The following OLFM3 variants were observed in gnomAD, a reference collection of about 807,000 sequenced individuals.
The protein encoded by OLFM3 is olfactomedin 3.
In OLFM3, 20 loss-of-function variants were observed where a neutral mutation model predicts 48.6. That is an observed-to-expected ratio of 0.41 (90% CI 0.29 to 0.60). The LOEUF (loss-of-function observed/expected upper bound fraction) is 0.60. Ranked by LOEUF, OLFM3 falls within the 20% of genes least tolerant of loss-of-function variation. The probability of loss-of-function intolerance (pLI) is 0.28; values close to 1 mark genes in which losing one functional copy is unlikely to be tolerated. For synonymous variants in OLFM3, 222 were observed against 198.1 expected (o/e 1.12, Z -1.01); for missense variants, 437 against 544.3 (o/e 0.80, Z 1.96).
intron 1 of OLFM3, among the ~76,000 whole-genome samples, chr1:101,900,753 GA>G (rs1469424207): frequency 1.3e-5 from 2 of 152,030 alleles, no homozygotes; most frequent in African/African-American, 2.4e-5. Context: ...AGATGTAAAG[GA>G]TATTTGAGGT....
chr1:101,816,535 T>C (rs1557685513), intron 4 of OLFM3, among the ~76,000 whole-genome samples: 1 of 152,156 alleles, frequency 6.6e-6, no homozygotes. Context: ...GAAATGTTCT[T>C]AGAGTGGTAT....
At chr1:101,993,381 G>A (rs527671741) in intron 1 of OLFM3, among the ~76,000 whole-genome samples, 58 of 152,022 alleles carry the variant, frequency 3.8e-4, no homozygotes, top group African/African-American at 1.4e-3. Flanking sequence ...TAAAAGCACA[G>A]AGATGCCATC....
chr1:101,853,668 A>G (rs2100951845), intron 1 of OLFM3, among the ~76,000 whole-genome samples: 1 of 152,242 alleles, frequency 6.6e-6, no homozygotes, highest in Non-Finnish European at 1.5e-5. Flanking sequence ...CTGCTCTCAG[A>G]TTAAAAAGGA....
intron 1 of OLFM3, among the ~76,000 whole-genome samples, chr1:101,909,640 AT>A (rs1658680919): frequency 6.6e-6 from 1 of 152,166 alleles, no homozygotes; most frequent in Non-Finnish European, 1.5e-5. Context: ...TGAGCATCTA[AT>A]TACTTAATTA....
intron 1 of OLFM3, among the ~76,000 whole-genome samples, chr1:101,969,123 A>G (rs755217167): frequency 1.3e-5 from 2 of 152,112 alleles, no homozygotes; most frequent in Non-Finnish European, 2.9e-5. Context: ...TGGATTACAA[A>G]CTAACTAAAC....
chr1:101,878,531 C>T (rs769285347), intron 1 of OLFM3, among the ~76,000 whole-genome samples: 6 of 151,820 alleles, frequency 4.0e-5, no homozygotes, highest in Non-Finnish European at 7.4e-5. Context: ...ATCTGTAGCA[C>T]GGAGGCTCTA....
intron 1 of OLFM3, among the ~76,000 whole-genome samples, chr1:101,861,293 C>G (rs1011526317): frequency 2.7e-5 from 4 of 150,602 alleles, no homozygotes; most frequent in African/African-American, 9.9e-5. Context: ...AACTCCTGAC[C>G]TCAAGTGATT....
At chr1:101,947,777 G>A (rs12125046) in intron 1 of OLFM3, among the ~76,000 whole-genome samples, 48,660 of 151,916 alleles carry the variant, frequency 0.32, 8,452 homozygotes, top group Middle Eastern at 0.48. Context: ...TATGATTTTC[G>A]GTGAGTTATT....
intron 1 of OLFM3, among the ~76,000 whole-genome samples, chr1:101,974,676 T>A (rs1247093557): frequency 6.6e-6 from 1 of 152,174 alleles, no homozygotes; most frequent in East Asian, 1.9e-4. Context: ...CTACTAATGC[T>A]ACATAACCCT....
intron 1 of OLFM3, among the ~76,000 whole-genome samples, chr1:101,891,348 T>G (rs1657987064): frequency 6.6e-6 from 1 of 151,932 alleles, no homozygotes; most frequent in African/African-American, 2.4e-5. Context: ...TTGAAAGAAA[T>G]AATAGCGTAC....
intron 1 of OLFM3, among the ~76,000 whole-genome samples, chr1:101,960,107 CG>C (rs1234073999): frequency 6.6e-6 from 1 of 152,022 alleles, no homozygotes; most frequent in African/African-American, 2.4e-5. Context: ...ATGGAGGAAA[CG>C]GGGCTGGGGC....
At chr1:101,923,810 T>C (rs1659176853) in intron 1 of OLFM3, among the ~76,000 whole-genome samples, 1 of 152,166 alleles carries the variant, frequency 6.6e-6, no homozygotes, top group South Asian at 2.1e-4. Flanking sequence ...CTTCAATAGG[T>C]TGGGACTGTG....
chr1:101,829,785 G>A (rs1006564742), intron 3 of OLFM3, among the ~76,000 whole-genome samples: 2 of 152,178 alleles, frequency 1.3e-5, no homozygotes, highest in Admixed American at 1.3e-4. Flanking sequence ...TAAGGCAAGT[G>A]GTTTACTTTT....
At chr1:101,872,579 T>C (rs905695629) in intron 1 of OLFM3, among the ~76,000 whole-genome samples, 4 of 152,004 alleles carry the variant, frequency 2.6e-5, no homozygotes, top group African/African-American at 7.2e-5. Context: ...AAAAACTATT[T>C]ATCTAGCTTC....
At position 101,804,064 on chromosome 1, in the gene OLFM3, C is replaced by T; in HGVS notation, c.*174G>A. The T allele has an allele frequency of 2.0e-6, 1 of 504,440 alleles. No individual in the cohort carries two copies. 31.2% of individuals were successfully genotyped at this position (504,440 alleles called of 1,614,324 possible). On this transcript the variant is annotated 3_prime_UTR_variant, in exon 6 of 6. Transcript: ENST00000370103. The surrounding 1 kb of genome is among the most constrained non-coding windows in gnomAD (Gnocchi z 4.5). ...AAATTTAGAAGTTAAGATGTGTTTC[C>T]AACATGGTAAGTTAGACAAGCTCAG...
intron 2 of OLFM3, among the ~76,000 whole-genome samples, chr1:101,835,791 A>C (rs902822962): frequency 6.6e-6 from 1 of 152,172 alleles, no homozygotes; most frequent in Non-Finnish European, 1.5e-5. Flanking sequence ...AGCAGAGGGG[A>C]AGGAGAAACA....
chr1:101,959,361 T>TTTA (rs1660399456), intron 1 of OLFM3, among the ~76,000 whole-genome samples: 2 of 151,218 alleles, frequency 1.3e-5, no homozygotes, highest in Non-Finnish European at 2.9e-5. Context: ...TTAACTTTTT[T>TTTA]ACTTTCACTT....
chr1:101,899,097 T>G (rs747139564), intron 1 of OLFM3, among the ~76,000 whole-genome samples: 33 of 152,196 alleles, frequency 2.2e-4, no homozygotes, highest in Admixed American at 1.6e-3. Flanking sequence ...ACAGCTCAGC[T>G]GGGAGGCTCT....
intron 1 of OLFM3, among the ~76,000 whole-genome samples, chr1:101,940,562 C>T (rs886746542): frequency 1.3e-5 from 2 of 151,444 alleles, no homozygotes; most frequent in Non-Finnish European, 2.9e-5. Context: ...TATCTATCAT[C>T]TATCTACATT....
Sources: gnomAD v4.1 joint callset for allele counts (sites outside exome capture counted in the v4.1 genomes callset) on GRCh38, gnomAD v4.1.1 for gene constraint, Gnocchi (gnomAD v3.1) non-coding constraint, MANE v1.5 for transcripts, NCBI Gene and HGNC (gene_info 2026-07-23, HGNC 2026-07-21) for gene names.